PCDH7: variants seen among roughly 807,000 people sequenced by gnomAD.
The protein encoded by PCDH7 is protocadherin-7.
In PCDH7, 17 loss-of-function variants were observed where a neutral mutation model predicts 58.9. The observed-to-expected ratio is 0.29, with a 90% confidence interval of 0.20 to 0.43. PCDH7 has a LOEUF of 0.43. Among genes scored for constraint, PCDH7 ranks in the 20% least tolerant of loss-of-function variants. The pLI is 1.00. For missense variants in PCDH7, 1,274 were observed against 1,441.0 expected (o/e 0.88, Z 1.88); for synonymous variants, 664 against 616.4 (o/e 1.08, Z -1.14).
chr4:30,760,882 G>T (rs1719936460), intron 1 of PCDH7, among the ~76,000 whole-genome samples: 1 of 152,174 alleles, frequency 6.6e-6, no homozygotes, highest in Admixed American at 6.5e-5. Context: ...GGGTCTTACA[G>T]AGTGGGGTGC....
intron 3 of PCDH7, among the ~76,000 whole-genome samples, chr4:30,968,351 T>C (rs534835539): frequency 4.1e-5 from 3 of 74,028 alleles, no homozygotes; most frequent in Admixed American, 1.4e-4. Context: ...TATATATATA[T>C]ACACACACTA....
At chr4:31,037,143 C>T (rs951890396) in intron 3 of PCDH7, among the ~76,000 whole-genome samples, 15 of 152,184 alleles carry the variant, frequency 9.9e-5, no homozygotes, top group Admixed American at 8.5e-4. Flanking sequence ...TCATCTCCTG[C>T]GTTTTGAGTT....
At chr4:30,973,622 C>A (rs77741099) in intron 3 of PCDH7, among the ~76,000 whole-genome samples, 8 of 152,018 alleles carry the variant, frequency 5.3e-5, no homozygotes, top group Admixed American at 3.9e-4. Context: ...AGGGAAGTGG[C>A]TGGAATGAGG....
At chr4:30,831,554 G>A (rs1729778671) in intron 1 of PCDH7, among the ~76,000 whole-genome samples, 1 of 152,072 alleles carries the variant, frequency 6.6e-6, no homozygotes, top group African/African-American at 2.4e-5. Context: ...TTTTCATTAT[G>A]TAAATACACC....
At chr4:30,736,513 TTTTA>T (rs1313587322), downstream of PCDH7, among the ~76,000 whole-genome samples, 1 of 151,084 alleles carries the variant, frequency 6.6e-6, no homozygotes, top group Non-Finnish European at 1.5e-5. Flanking sequence ...TTTTAATTTA[TTTTA>T]TTTATTTATT....
chr4:30,858,318 CAT>C (rs1181710288), intron 1 of PCDH7, among the ~76,000 whole-genome samples: 1 of 152,094 alleles, frequency 6.6e-6, no homozygotes, highest in Non-Finnish European at 1.5e-5. Flanking sequence ...TTGAGACAAC[CAT>C]GTTGTTTCTT....
At chr4:30,985,369 A>G (rs1750884078) in intron 3 of PCDH7, among the ~76,000 whole-genome samples, 2 of 152,070 alleles carry the variant, frequency 1.3e-5, no homozygotes, top group Non-Finnish European at 2.9e-5. Context: ...ATTATAGACT[A>G]TTACCTTCAT....
At chr4:30,739,440 T>G (rs775003637) in intron 1 of PCDH7, among the ~76,000 whole-genome samples, 2 of 148,204 alleles carry the variant, frequency 1.3e-5, no homozygotes, top group Non-Finnish European at 2.9e-5. Flanking sequence ...TAAACAAATA[T>G]ATATTTTTTA....
chr4:31,073,994 C>T (rs1457624148), intron 3 of PCDH7, among the ~76,000 whole-genome samples: 4 of 151,876 alleles, frequency 2.6e-5, no homozygotes, highest in Non-Finnish European at 4.4e-5. Context: ...TCAAACACAG[C>T]AAGATCAACA....
At chr4:31,056,612 AGAGT>A (rs1261299656) in intron 3 of PCDH7, among the ~76,000 whole-genome samples, 22 of 150,460 alleles carry the variant, frequency 1.5e-4, no homozygotes, top group African/African-American at 5.1e-4. Context: ...GGAGAGAGAG[AGAGT>A]GAAAGACAGA....
chr4:31,007,350 G>A (rs1444859897), intron 3 of PCDH7, among the ~76,000 whole-genome samples: 1 of 152,202 alleles, frequency 6.6e-6, no homozygotes, highest in African/African-American at 2.4e-5. Flanking sequence ...GAGTATTGAA[G>A]TGGCTGACTG....
At chr4:30,777,606 A>G (rs562549598) in intron 1 of PCDH7, among the ~76,000 whole-genome samples, 2 of 152,232 alleles carry the variant, frequency 1.3e-5, no homozygotes, top group Non-Finnish European at 2.9e-5. Context: ...CTCAGTTTTT[A>G]TTATATTACT....
At chr4:31,073,875 C>G (rs1281534945) in intron 3 of PCDH7, among the ~76,000 whole-genome samples, 3 of 152,122 alleles carry the variant, frequency 2.0e-5, no homozygotes. Flanking sequence ...TCTTGCCATG[C>G]CTTACAAATA....
intron 3 of PCDH7, among the ~76,000 whole-genome samples, chr4:31,122,836 C>T (rs560188055): frequency 6.6e-6 from 1 of 151,602 alleles, no homozygotes; most frequent in African/African-American, 2.4e-5. Context: ...AGAGATTATA[C>T]CTAGTTAAGT....
At chr4:31,132,205 GA>G (rs1377592456) in intron 3 of PCDH7, among the ~76,000 whole-genome samples, 1 of 152,038 alleles carries the variant, frequency 6.6e-6, no homozygotes, top group Non-Finnish European at 1.5e-5. Flanking sequence ...TTTACTTTTA[GA>G]AATGCTTTAT....
chr4:30,979,203 G>A (rs1439218250), intron 3 of PCDH7, among the ~76,000 whole-genome samples: 1 of 151,714 alleles, frequency 6.6e-6, no homozygotes, highest in Admixed American at 6.6e-5. Flanking sequence ...GTGGGTGCCC[G>A]TAGTCCCAGA....
At chr4:30,932,403 G>A (rs935322670) in intron 2 of PCDH7, among the ~76,000 whole-genome samples, 1 of 152,116 alleles carries the variant, frequency 6.6e-6, no homozygotes, top group Non-Finnish European at 1.5e-5. Flanking sequence ...TTAACCTAAA[G>A]AAATGAAACC....
chr4:31,065,423 G>A (rs1313214416), intron 3 of PCDH7, among the ~76,000 whole-genome samples: 2 of 151,924 alleles, frequency 1.3e-5, no homozygotes, highest in East Asian at 3.9e-4. Flanking sequence ...TTTGAAGTCA[G>A]GGATGCAATT....
At chr4:30,968,168 T>C (rs1749156802) in intron 3 of PCDH7, among the ~76,000 whole-genome samples, 1 of 151,432 alleles carries the variant, frequency 6.6e-6, no homozygotes, top group Non-Finnish European at 1.5e-5. Flanking sequence ...GAGCAGACAC[T>C]GTTCCAAGTA....
Sources: gnomAD v4.1 joint callset for allele counts (sites outside exome capture counted in the v4.1 genomes callset) on GRCh38, gnomAD v4.1.1 for gene constraint, MANE v1.5 for transcripts, NCBI Gene and HGNC (gene_info 2026-07-23, HGNC 2026-07-21) for gene names.